The following TTI1 variants were observed in gnomAD, a reference collection of about 807,000 sequenced individuals.
TTI1 encodes the protein TELO2-interacting protein 1 homolog.
TTI1 carries 52 observed loss-of-function variants against 85.4 expected under a neutral mutation model. That is an observed-to-expected ratio of 0.61 (90% confidence interval 0.49 to 0.77). The LOEUF (loss-of-function observed/expected upper bound fraction) is 0.77. TTI1 is among the 30% of genes least tolerant of loss of function. The pLI is 0.00. For missense variants in TTI1, 1,173 were observed against 1,296.0 expected (o/e 0.91, Z 1.46); for synonymous variants, 512 against 503.9 (o/e 1.02, Z -0.22).
intron 5 of TTI1, 28 bp from the exon 6 acceptor site, chr20:37,996,981 G>C: frequency 6.2e-7 from 1 of 1,606,162 alleles, no homozygotes; most frequent in Non-Finnish European, 8.5e-7. Flanking sequence ...AACCTGGTGA[G>C]TGAACATTGC....
Position 37,996,801 on chromosome 20 carries a change from C to T in TTI1, c.2946G>A (p.Leu982=). Residue 982 remains leucine (L), a synonymous_variant, in exon 6 of 8, where the codon TTG becomes TTA. Transcript: ENST00000373447. ...CCAGGCCCTGTAAGACAGCCAGCTG[C>T]AACTTGAAGGCCAGCGTGTGCGAGT... ...PVYSHTLAFK[L]QLAVLQGLGP... The T allele has an allele frequency of 1.2e-6, 2 of 1,613,830 alleles. No homozygotes were observed. Among genetic ancestry groups the T allele is most frequent in the Non-Finnish European group, 1.7e-6 (2 of 1,179,762 alleles).
intron 1 of TTI1, 125 bp from the exon 2 acceptor site, chr20:38,013,982 G>T: frequency 2.1e-6 from 2 of 951,304 alleles, no homozygotes. Flanking sequence ...AAGGCACTAG[G>T]GGTGCAATGA....
chr20:38,020,352 ATGTATG>A (rs1568629213), intron 1 of TTI1, among the ~76,000 whole-genome samples: 1 of 126,986 alleles, frequency 7.9e-6, no homozygotes, highest in Non-Finnish European at 1.7e-5. Flanking sequence ...ATATATATAT[ATGTATG>A]TATCTTGATT....
chr20:38,012,866 A>G lies in TTI1; in HGVS notation c.951T>C (p.Leu317=). The change falls in exon 2 of 8, where the codon CTT becomes CTC. Residue 317 remains leucine (L), a synonymous_variant. Transcript: ENST00000373447. ...CCAATGATTGACTGCACTTCAAAAG[A>G]AGGTCCTCCACAAGTTCTACCAGTT... ...RLELVELVED[L]LLKCSQSLVE... The G allele has an allele frequency of 6.2e-7, 1 of 1,614,198 alleles. No individual in the cohort carries two copies. Among genetic ancestry groups the G allele is most frequent in the East Asian group, 2.2e-5 (1 of 44,884 alleles).
Position 38,013,075 on chromosome 20 carries a change from C to A in TTI1, c.742G>T (p.Ala248Ser), listed in dbSNP as rs148474916. ...IFYKTVSFIMADEQLKRISKV... is the reference protein window; with the variant it reads ...IFYKTVSFIMSDEQLKRISKV... ...GAGATTCTTTTGAGCTGTTCATCAG[C>A]CATAATGAAGCTCACTGTCTTGTAA... is the stretch of plus-strand genomic sequence containing the variant. The change falls in exon 2 of 8, where the codon GCT (alanine) becomes TCT (serine). Residue 248 changes from alanine (A) to serine (S), a missense_variant. Physicochemically the swap from Ala to Ser is moderately conservative, Grantham distance 99. Coordinates refer to ENST00000373447, the MANE Select transcript of TTI1 (RefSeq NM_001303457.2). 4.2e-5 allele frequency: 68 copies of A among 1,614,138 alleles called. No homozygotes were observed. In the African/African-American group the frequency reaches 4.9e-4, roughly 12 times the overall value.
chr20:37,997,006 A>G, intron 5 of TTI1, 53 bp from the exon 6 acceptor site: 1 of 1,575,884 alleles, frequency 6.3e-7, no homozygotes, highest in Non-Finnish European at 8.6e-7. Context: ...GCAGCAAGAG[A>G]GCTAAAGAAT....
intron 1 of TTI1, 115 bp from the exon 2 acceptor site, chr20:38,013,972 A>G: frequency 9.4e-7 from 1 of 1,059,108 alleles, no homozygotes; most frequent in South Asian, 1.6e-5. Context: ...GCCACTGCAC[A>G]AGGCACTAGG....
intron 1 of TTI1, among the ~76,000 whole-genome samples, chr20:38,022,826 A>G (rs1296555442): frequency 6.6e-6 from 1 of 152,232 alleles, no homozygotes; most frequent in Non-Finnish European, 1.5e-5. Context: ...TACTTGTTCA[A>G]TAATCCATCT....
At chr20:38,002,529 G>C in intron 4 of TTI1, 99 bp downstream of exon 4, 3 of 1,492,678 alleles carry the variant, frequency 2.0e-6, no homozygotes, top group Non-Finnish European at 2.7e-6. Context: ...TGGACCAGGA[G>C]ATAAGGGGAG....
rs2073641996 is a variant in TTI1, at chr20:38,013,839, T to A, written c.-23A>T. On this transcript the variant is annotated 5_prime_UTR_variant, in exon 2 of 8. Coordinates refer to ENST00000373447, the MANE Select transcript of TTI1 (RefSeq NM_001303457.2). Reference sequence around the variant, plus strand: ...CATTGTGCAGCAGCCTTCCCCTCATTGAGGAAACATCCTGCAGGCTGGAGG... The same window carrying A: ...CATTGTGCAGCAGCCTTCCCCTCATAGAGGAAACATCCTGCAGGCTGGAGG... 1 of 1,592,146 alleles carries A rather than the reference T, an allele frequency of 6.3e-7. No homozygotes were observed. Among genetic ancestry groups the A allele is most frequent in the Non-Finnish European group, 8.5e-7 (1 of 1,170,352 alleles).
Position 38,012,008 on chromosome 20 carries a change from T to A in TTI1, c.1809A>T (p.Gln603His). The A allele has an allele frequency of 1.2e-6, 2 of 1,614,238 alleles. No homozygotes were observed. Among genetic ancestry groups the A allele is most frequent in the South Asian group, 2.2e-5 (2 of 91,086 alleles). ...QAITSGEHTCQVTSFLAFSKP... is the reference protein window; with the variant it reads ...QAITSGEHTCHVTSFLAFSKP... ...TTGAGAAGGCTAGAAAAGATGTAAC[T>A]TGGCAGGTGTGTTCACCAGACGTGA... The change falls in exon 2 of 8, where the codon CAA (glutamine) becomes CAT (histidine). Residue 603 changes from glutamine to histidine, a missense_variant. Transcript: ENST00000373447.
intron 1 of TTI1, among the ~76,000 whole-genome samples, chr20:38,021,774 C>T (rs2073774690): frequency 6.6e-6 from 1 of 152,168 alleles, no homozygotes; most frequent in Non-Finnish European, 1.5e-5. Flanking sequence ...ATTCCCCTCC[C>T]CTCTACCTAA....
Position 38,012,952 on chromosome 20 carries a change from T to C in TTI1, c.865A>G (p.Ile289Val), listed in dbSNP as rs867713270. The change falls in exon 2 of 8, where the codon ATC (isoleucine) becomes GTC (valine). Residue 289 changes from isoleucine to valine, a missense_variant. By Grantham distance (29) the Ile-to-Val change is conservative (BLOSUM62 3). Coordinates refer to ENST00000373447, the MANE Select transcript of TTI1 (RefSeq NM_001303457.2). ...CACTCAATTATCTTTTTAATAAGGA[T>C]AGTCAACTTGTCGCCAGTCTTTTTT... The part of the protein sequence containing the change: ...WVKKTGDKLT[I>V]LIKKIIECVS... 1 of 1,614,170 alleles carries C rather than the reference T, an allele frequency of 6.2e-7. No homozygotes were observed. Among genetic ancestry groups the C allele is most frequent in the Non-Finnish European group, 8.5e-7 (1 of 1,180,032 alleles).
At chr20:38,002,017 G>A (rs970047820) in intron 4 of TTI1, among the ~76,000 whole-genome samples, 60 of 152,082 alleles carry the variant, frequency 3.9e-4, no homozygotes, top group African/African-American at 1.3e-3. Flanking sequence ...GCGCCTGGCC[G>A]ACAGTTGTAT....
Position 38,012,003 on chromosome 20 carries a change from G to T in TTI1, c.1814C>A (p.Thr605Lys). Reference sequence around the variant, plus strand: ...TGGCTTTGAGAAGGCTAGAAAAGATGTAACTTGGCAGGTGTGTTCACCAGA... The same window carrying T: ...TGGCTTTGAGAAGGCTAGAAAAGATTTAACTTGGCAGGTGTGTTCACCAGA... ...ITSGEHTCQVTSFLAFSKPSP... is the reference protein window; with the variant it reads ...ITSGEHTCQVKSFLAFSKPSP... The change falls in exon 2 of 8, where the codon ACA (threonine) becomes AAA (lysine). Residue 605 changes from threonine (T) to lysine (K), a missense_variant. Transcript: ENST00000373447. 1 of 1,614,246 alleles carries T rather than the reference G, an allele frequency of 6.2e-7. No homozygotes were observed. Among genetic ancestry groups the T allele is most frequent in the African/African-American group, 1.3e-5 (1 of 75,064 alleles).
chr20:38,012,769 G>A lies in TTI1; in HGVS notation c.1048C>T (p.Gln350Ter). 1 of 1,614,136 alleles carries A rather than the reference G, an allele frequency of 6.2e-7. No individual in the cohort carries two copies. The highest frequency in any genetic ancestry group is 8.5e-7 in the Non-Finnish European group (1 of 1,180,030). Residue 350 changes from glutamine (Q) to a stop codon, truncating the protein, a stop_gained, in exon 2 of 8, where the codon CAG becomes TAG. Coordinates refer to ENST00000373447, the MANE Select transcript of TTI1 (RefSeq NM_001303457.2). LOFTEE classifies it high-confidence loss of function. ...VNDESPEIQAQCNKVLRHFAD... is the reference protein window; with the variant it reads ...VNDESPEIQA ...AAATGTCTCAGAACTTTATTGCACT[G>A]GGCTTGGATTTCAGGACTCTCATCA...
Position 37,983,462 on chromosome 20 carries a change from C to T in TTI1, c.3264G>A (p.Leu1088=). ...CTGTGGTGGGGGAGCAGGGTCACTG[C>T]AGCTCCTTGAGCAGCTGGAGCACGT... ...TTNVLQLLKE[L]Q The change falls in exon 8 of 8, where the codon CTG becomes CTA. Residue 1088 remains leucine, a synonymous_variant. Coordinates refer to ENST00000373447, the MANE Select transcript of TTI1 (RefSeq NM_001303457.2). 6.2e-7 allele frequency: 1 copy of T among 1,609,972 alleles called. No homozygotes were observed. The highest frequency in any genetic ancestry group is 8.5e-7 in the Non-Finnish European group (1 of 1,179,476).
intron 7 of TTI1, among the ~76,000 whole-genome samples, chr20:37,994,777 C>A (rs2073315683): frequency 6.6e-6 from 1 of 152,140 alleles, no homozygotes; most frequent in Non-Finnish European, 1.5e-5. Context: ...AGTGGTGGGG[C>A]TGCGTGTTCC....
At chr20:37,986,967 T>G in intron 7 of TTI1, 1 of 343,506 alleles carries the variant, frequency 2.9e-6, no homozygotes, top group South Asian at 2.2e-5. Flanking sequence ...AAGAAACAAA[T>G]GCAATATACT....
Sources: allele counts gnomAD v4.1 joint callset (sites outside exome capture counted in the v4.1 genomes callset), GRCh38; gene constraint gnomAD v4.1.1; transcripts MANE v1.5; gene names NCBI Gene and HGNC (gene_info 2026-07-23, HGNC 2026-07-21).